The following GSTCD variants were observed in gnomAD, a reference collection of about 807,000 sequenced individuals.
GSTCD encodes glutathione S-transferase C-terminal domain containing, also known as glutathione S-transferase C-terminal domain-containing protein.
Under a neutral mutation model 68.3 loss-of-function variants are expected in GSTCD, and 44 were observed. That is an observed-to-expected ratio of 0.64 (90% confidence interval 0.51 to 0.83). The LOEUF is 0.83. Among genes scored for constraint, GSTCD ranks in the 40% least tolerant of loss-of-function variants. The pLI, the probability that GSTCD is intolerant of heterozygous loss-of-function variation, is 0.00. For synonymous variants in GSTCD, 273 were observed against 255.2 expected (o/e 1.07, Z -0.67); for missense variants, 739 against 735.9 (o/e 1.00, Z -0.05).
At chr4:105,841,860 A>G (rs1252787584) in intron 10 of GSTCD, among the ~76,000 whole-genome samples, 1 of 152,138 alleles carries the variant, frequency 6.6e-6, no homozygotes, top group Non-Finnish European at 1.5e-5. Context: ...ACAAAACAAA[A>G]AAATACAGTG....
At chr4:105,786,583 A>C (rs1479226863) in intron 5 of GSTCD, among the ~76,000 whole-genome samples, 1 of 151,632 alleles carries the variant, frequency 6.6e-6, no homozygotes, top group Non-Finnish European at 1.5e-5. Context: ...CTATTATGGC[A>C]AATTATATGC....
At chr4:105,724,824 C>T (rs1458655356) in intron 3 of GSTCD, among the ~76,000 whole-genome samples, 1 of 151,894 alleles carries the variant, frequency 6.6e-6, no homozygotes, top group Admixed American at 6.6e-5. Flanking sequence ...ATTCTTTCCC[C>T]ATTAAACAGT....
intron 5 of GSTCD, among the ~76,000 whole-genome samples, chr4:105,792,749 T>C (rs1220883158): frequency 2.6e-5 from 4 of 152,040 alleles, no homozygotes; most frequent in African/African-American, 9.7e-5. Flanking sequence ...GTAAATCTCT[T>C]GTAAAATGAT....
At chr4:105,830,949 T>C (rs1425763990) in intron 8 of GSTCD, among the ~76,000 whole-genome samples, 1 of 152,176 alleles carries the variant, frequency 6.6e-6, no homozygotes, top group East Asian at 1.9e-4. Flanking sequence ...GTCTAATATT[T>C]ACAAATCAAG....
chr4:105,750,800 T>A (rs1733986581), intron 5 of GSTCD, among the ~76,000 whole-genome samples: 1 of 152,198 alleles, frequency 6.6e-6, no homozygotes, highest in East Asian at 1.9e-4. Context: ...GGAATACTAT[T>A]CAGCAGTAAC....
At chr4:105,733,484 G>A (rs1733331642) in intron 5 of GSTCD, among the ~76,000 whole-genome samples, 1 of 152,170 alleles carries the variant, frequency 6.6e-6, no homozygotes, top group East Asian at 1.9e-4. Context: ...TTTAAAGTCT[G>A]TTTTAACAGA....
chr4:105,734,026 C>T (rs1483396072), intron 5 of GSTCD, among the ~76,000 whole-genome samples: 1 of 152,220 alleles, frequency 6.6e-6, no homozygotes, highest in Non-Finnish European at 1.5e-5. Context: ...CCACTCTCTT[C>T]TGGCTTGTAG....
At chr4:105,758,655 C>T (rs1194416844) in intron 5 of GSTCD, among the ~76,000 whole-genome samples, 1 of 152,124 alleles carries the variant, frequency 6.6e-6, no homozygotes, top group Non-Finnish European at 1.5e-5. Flanking sequence ...TCAGGTATTT[C>T]TTTATAGTAG....
At chr4:105,726,936 T>G (rs553230691) in intron 4 of GSTCD, 106 bp downstream of exon 4, 18 of 925,452 alleles carry the variant, frequency 1.9e-5, no homozygotes, top group Middle Eastern at 5.3e-4. Flanking sequence ...GTTATAAATT[T>G]TATTTGTAGC....
chr4:105,798,425 G>T (rs1735985074), intron 5 of GSTCD, among the ~76,000 whole-genome samples: 1 of 151,534 alleles, frequency 6.6e-6, no homozygotes, highest in Admixed American at 6.6e-5. Context: ...TTTCCAGAAG[G>T]TTTTCAAATT....
rs1370425822 is a variant in GSTCD at position 105,726,832 on chromosome 4, TA to T, written c.1146+3del. ...AGACCAACCATGGCCAAGTTAATGGTACTTAATTATTAACATTTTCTTTGAA... is the reference window on the plus strand; with the variant it reads ...AGACCAACCATGGCCAAGTTAATGGTCTTAATTATTAACATTTTCTTTGAA... On this transcript the variant is annotated splice_donor_region_variant and intron_variant, in intron 4 of 11. Transcript: ENST00000515279. 1.9e-5 allele frequency: 30 copies of T among 1,583,846 alleles called. No individual in the cohort carries two copies. The highest frequency in any genetic ancestry group is 2.1e-5 in the Non-Finnish European group (24 of 1,166,442).
At chr4:105,714,339 A>G (rs1732622955) in intron 1 of GSTCD, among the ~76,000 whole-genome samples, 1 of 152,146 alleles carries the variant, frequency 6.6e-6, no homozygotes, top group African/African-American at 2.4e-5. Flanking sequence ...ATGGAGTAAC[A>G]AGAGCTGTGC....
intron 5 of GSTCD, among the ~76,000 whole-genome samples, chr4:105,731,245 T>C (rs1329623360): frequency 6.6e-6 from 1 of 152,228 alleles, no homozygotes; most frequent in Non-Finnish European, 1.5e-5. Context: ...AACTTTAAAG[T>C]AGTTTTTTCC....
chr4:105,730,388 A>G (rs1429031703), intron 5 of GSTCD, among the ~76,000 whole-genome samples: 3 of 152,142 alleles, frequency 2.0e-5, no homozygotes, highest in African/African-American at 7.2e-5. Context: ...ATTTCTCCAC[A>G]TTGTATCCAG....
intron 5 of GSTCD, among the ~76,000 whole-genome samples, chr4:105,810,656 A>C (rs1016451590): frequency 2.6e-5 from 4 of 152,142 alleles, no homozygotes; most frequent in African/African-American, 7.2e-5. Context: ...TTTACATTGT[A>C]TATGTCATGT....
chr4:105,785,045 C>A (rs1735413111), intron 5 of GSTCD, among the ~76,000 whole-genome samples: 1 of 152,136 alleles, frequency 6.6e-6, no homozygotes, highest in Admixed American at 6.5e-5. Flanking sequence ...ACAACTAGGA[C>A]ATATGTGTGT....
At chr4:105,825,889 T>C in intron 8 of GSTCD, 89 bp downstream of exon 8, 1 of 757,536 alleles carries the variant, frequency 1.3e-6, no homozygotes, top group South Asian at 2.0e-5. Context: ...AATTTTGTGT[T>C]CTTTGCCAAA....
chr4:105,824,481 C>G (rs1723484377), intron 7 of GSTCD, among the ~76,000 whole-genome samples: 1 of 152,100 alleles, frequency 6.6e-6, no homozygotes, highest in Non-Finnish European at 1.5e-5. Flanking sequence ...GCCTTTCACA[C>G]CAAGTATAGT....
At chr4:105,790,767 C>A (rs1390388088) in intron 5 of GSTCD, among the ~76,000 whole-genome samples, 1 of 151,978 alleles carries the variant, frequency 6.6e-6, no homozygotes, top group Non-Finnish European at 1.5e-5. Context: ...AGGGAACACA[C>A]CCAATTTGTG....
Sources: gnomAD v4.1 joint callset for allele counts (sites outside exome capture counted in the v4.1 genomes callset) on GRCh38, gnomAD v4.1.1 for gene constraint, MANE v1.5 for transcripts, NCBI Gene and HGNC (gene_info 2026-07-23, HGNC 2026-07-21) for gene names.